ADSS2: variants seen among roughly 807,000 people sequenced by gnomAD.
The protein encoded by ADSS2 is adenylosuccinate synthetase isozyme 2.
ADSS2 carries 30 observed loss-of-function variants against 60.0 expected under a neutral mutation model. The observed-to-expected ratio is 0.50, with a 90% CI of 0.37 to 0.68. The LOEUF is 0.68. Among genes scored for constraint, ADSS2 ranks in the 30% least tolerant of loss-of-function variants. The pLI, the probability that ADSS2 is intolerant of heterozygous loss-of-function variation, is 0.00. For synonymous variants in ADSS2, 187 were observed against 193.1 expected, an observed-to-expected ratio of 0.97 and a Z score of 0.26; for missense variants, 373 against 554.8, an observed-to-expected ratio of 0.67 and a Z score of 3.29.
chr1:244,447,624 C>A (rs901057980), intron 1 of ADSS2, among the ~76,000 whole-genome samples: 2 of 152,028 alleles, frequency 1.3e-5, no homozygotes, highest in African/African-American at 2.4e-5. Flanking sequence ...TATCAGTTAC[C>A]TATTTTCTCC....
chr1:244,451,621 C>T lies in ADSS2; in HGVS notation c.183+14G>A, dbSNP rs548684956. On this transcript the variant is annotated intron_variant, in intron 1 of 12. Coordinates refer to ENST00000366535, the MANE Select transcript of ADSS2 (RefSeq NM_001126.5). This position sits in a 1 kb window ranked among gnomAD's most constrained non-coding sequence, Gnocchi z 6.6. Reference sequence around the variant, plus strand: ...CCCGGGCCCGGCTTCCCATGAGAGGCCCCGTCGCCTCACCTGGCAGCGGCA... The same window carrying T: ...CCCGGGCCCGGCTTCCCATGAGAGGTCCCGTCGCCTCACCTGGCAGCGGCA... 2.5e-6 allele frequency: 4 copies of T among 1,600,840 alleles called. No individual in the cohort carries two copies. The highest frequency in any genetic ancestry group is 2.7e-5 in the African/African-American group (2 of 74,630).
chr1:244,413,475 C>T (rs1664462357), intron 11 of ADSS2, among the ~76,000 whole-genome samples: 1 of 152,174 alleles, frequency 6.6e-6, no homozygotes, highest in Non-Finnish European at 1.5e-5. Context: ...AGTCCAGAAG[C>T]CACCCAACTT....
At chr1:244,421,604 A>G (rs771885542) in intron 7 of ADSS2, among the ~76,000 whole-genome samples, 6 of 152,234 alleles carry the variant, frequency 3.9e-5, no homozygotes, top group Non-Finnish European at 8.8e-5. Flanking sequence ...CATGGAACAC[A>G]TATAAAATGG....
chr1:244,441,771 A>T (rs561279642), intron 1 of ADSS2, among the ~76,000 whole-genome samples: 1 of 152,254 alleles, frequency 6.6e-6, no homozygotes, highest in Non-Finnish European at 1.5e-5. Context: ...CCTAACCAAC[A>T]TAATGAAACC....
At chr1:244,434,338 G>A (rs1665029549) in intron 3 of ADSS2, among the ~76,000 whole-genome samples, 1 of 151,114 alleles carries the variant, frequency 6.6e-6, no homozygotes, top group East Asian at 1.9e-4. Context: ...AGACGACAGA[G>A]CAAGACCATG....
chr1:244,439,279 T>C (rs1197777995), intron 1 of ADSS2, among the ~76,000 whole-genome samples: 1 of 152,228 alleles, frequency 6.6e-6, no homozygotes, highest in African/African-American at 2.4e-5. Flanking sequence ...TGGAGTTTAA[T>C]ATATGCCATA....
intron 1 of ADSS2, among the ~76,000 whole-genome samples, chr1:244,450,438 G>C (rs569302639): frequency 6.6e-6 from 1 of 152,204 alleles, no homozygotes; most frequent in South Asian, 2.1e-4. Flanking sequence ...AGGTAAATCA[G>C]AGAATATTTG....
At chr1:244,444,326 T>C (rs1471110835) in intron 1 of ADSS2, among the ~76,000 whole-genome samples, 1 of 150,246 alleles carries the variant, frequency 6.7e-6, no homozygotes, top group Non-Finnish European at 1.5e-5. Context: ...CCATCCCGGC[T>C]AAAACGGTGA....
At chr1:244,441,492 G>A (rs900893959) in intron 1 of ADSS2, among the ~76,000 whole-genome samples, 1 of 152,190 alleles carries the variant, frequency 6.6e-6, no homozygotes, top group East Asian at 1.9e-4. Context: ...CAACAAATAA[G>A]GTATTATTAT....
chr1:244,425,142 A>G (rs574024280), intron 4 of ADSS2, among the ~76,000 whole-genome samples: 1 of 152,320 alleles, frequency 6.6e-6, no homozygotes, highest in African/African-American at 2.4e-5. Context: ...ATGTCAGTTC[A>G]GCCTACTAGT....
intron 11 of ADSS2, among the ~76,000 whole-genome samples, chr1:244,412,705 A>G (rs531665736): frequency 2.0e-4 from 31 of 152,382 alleles, no homozygotes; most frequent in African/African-American, 6.0e-4. Flanking sequence ...AAAAAGCTGA[A>G]TTCTGCAATC....
At chr1:244,421,772 C>T (rs192715346) in intron 7 of ADSS2, among the ~76,000 whole-genome samples, 174 of 152,112 alleles carry the variant, frequency 1.1e-3, no homozygotes, top group Non-Finnish European at 1.8e-3. Context: ...TTAGCTCAGG[C>T]GTTCAAGACC....
intron 11 of ADSS2, among the ~76,000 whole-genome samples, chr1:244,412,695 A>G (rs1333631662): frequency 6.6e-6 from 1 of 152,254 alleles, no homozygotes. Context: ...AAAGCTCCAG[A>G]AAAAGCTGAA....
At chr1:244,451,987 G>T, upstream of ADSS2, 4 of 626,336 alleles carry the variant, frequency 6.4e-6, no homozygotes. The surrounding 1 kb of genome is among the most constrained non-coding windows in gnomAD (Gnocchi z 6.6). Context: ...CCCGCTCTCC[G>T]CCACAGCCCG....
At chr1:244,431,179 A>G (rs1464511669) in intron 4 of ADSS2, among the ~76,000 whole-genome samples, 1 of 152,210 alleles carries the variant, frequency 6.6e-6, no homozygotes, top group African/African-American at 2.4e-5. Flanking sequence ...ATAGTGATAT[A>G]TAAGTTTAAA....
At chr1:244,421,676 T>C (rs975245147) in intron 7 of ADSS2, among the ~76,000 whole-genome samples, 6 of 152,188 alleles carry the variant, frequency 3.9e-5, no homozygotes, top group Non-Finnish European at 7.4e-5. Context: ...GTCAAAAAGT[T>C]AAAATATTTG....
intron 4 of ADSS2, among the ~76,000 whole-genome samples, chr1:244,429,697 T>C (rs1354316270): frequency 6.6e-6 from 1 of 152,012 alleles, no homozygotes; most frequent in Non-Finnish European, 1.5e-5. Flanking sequence ...CTGGCCAACA[T>C]GGTAAAACCC....
At chr1:244,409,714 TC>T (rs1664368843) in intron 12 of ADSS2, 76 bp from the exon 13 acceptor site, 9 of 1,162,526 alleles carry the variant, frequency 7.7e-6, no homozygotes, top group African/African-American at 3.1e-5. Flanking sequence ...AAACAGGTAG[TC>T]CCCTACTTTT....
At position 244,443,123 on chromosome 1, in the gene ADSS2, G is replaced by C. The variant is rs527354357; in HGVS notation, c.184-5355C>G. On this transcript the variant is annotated intron_variant, in intron 1 of 12. Coordinates refer to ENST00000366535, the MANE Select transcript of ADSS2 (RefSeq NM_001126.5). ...TTCATGATTCTCCCAAGCAGCACTG[G>C]GGAGGCCAGATAGTACCAAACAAAT... is the stretch of plus-strand genomic sequence containing the variant. 2.0e-5 allele frequency among the ~76,000 whole-genome samples: 3 copies of C among 152,254 alleles called. No individual in the cohort carries two copies. The South Asian group carries it at 6.2e-4, about 32-fold the overall frequency.
Sources: allele counts gnomAD v4.1 joint callset (sites outside exome capture counted in the v4.1 genomes callset), GRCh38; gene constraint gnomAD v4.1.1; non-coding constraint Gnocchi (gnomAD v3.1); transcripts MANE v1.5; gene names NCBI Gene and HGNC (gene_info 2026-07-23, HGNC 2026-07-21).